Variants in IRAG1 observed in about 807,000 individuals in gnomAD.
The protein encoded by IRAG1 is inositol 1,4,5-triphosphate receptor associated 1.
IRAG1 carries 62 observed loss-of-function variants against 106.2 expected under a neutral mutation model. The observed-to-expected ratio is 0.58, with a 90% CI of 0.48 to 0.72. The LOEUF is 0.72. IRAG1 is among the 30% of genes least tolerant of loss of function. The pLI, the probability that IRAG1 is intolerant of heterozygous loss-of-function variation, is 0.00. For missense variants in IRAG1, 1,064 were observed against 1,140.7 expected, an observed-to-expected ratio of 0.93 and a Z score of 0.97; for synonymous variants, 462 against 443.9, an observed-to-expected ratio of 1.04 and a Z score of -0.51.
chr11:10,680,548 G>GAAGGGA (rs1861172950), intron 1 of IRAG1, among the ~76,000 whole-genome samples: 1 of 142,860 alleles, frequency 7.0e-6, no homozygotes, highest in African/African-American at 2.6e-5. Context: ...AGGGGAAGGG[G>GAAGGGA]AAGGGGAAGG....
At chr11:10,617,079 C>T in intron 10 of IRAG1, 3 of 985,344 alleles carry the variant, frequency 3.0e-6, no homozygotes, top group Middle Eastern at 1.0e-3. Flanking sequence ...TGCCCAAGAC[C>T]TGAGGCTCTG....
chr11:10,620,370 C>T (rs368578719), intron 10 of IRAG1, among the ~76,000 whole-genome samples: 1 of 78 alleles, frequency 0.013, no homozygotes, highest in Non-Finnish European at 0.028. Flanking sequence ...TAAAATACAG[C>T]CCCCCCCAAA....
At chr11:10,596,182 A>C (rs994420947) in intron 15 of IRAG1, among the ~76,000 whole-genome samples, 4 of 152,308 alleles carry the variant, frequency 2.6e-5, no homozygotes, top group African/African-American at 9.6e-5. Flanking sequence ...TTTGAGTTCA[A>C]TTTCAATCTT....
At position 10,688,746 on chromosome 11, in the gene IRAG1, T is replaced by C. The variant is rs12790706; in HGVS notation, c.67+4790A>G. Among the ~76,000 whole-genome samples the C allele has an allele frequency of 6.7e-3, 1,016 of 152,318 alleles. 11 individuals carry two copies. The highest frequency in any genetic ancestry group is 7.3e-3 in the Non-Finnish European group (496 of 68,032). On this transcript the variant is annotated intron_variant, in intron 1 of 20. Coordinates refer to ENST00000423302, the MANE Select transcript of IRAG1 (RefSeq NM_130385.4). ...CCAAGCCGTGGTGGAATGACCTGAC[T>C]CATTTATACACTATGCTCACAATTT...
intron 1 of IRAG1, among the ~76,000 whole-genome samples, chr11:10,653,099 G>A (rs905979936): frequency 6.6e-6 from 1 of 152,112 alleles, no homozygotes; most frequent in Non-Finnish European, 1.5e-5. Flanking sequence ...AGCCTACATC[G>A]ATGAGCTTAA....
chr11:10,610,948 T>A (rs1854908477), intron 10 of IRAG1, among the ~76,000 whole-genome samples: 3 of 152,198 alleles, frequency 2.0e-5, no homozygotes, highest in Admixed American at 1.3e-4. Flanking sequence ...ATCTGCTCAA[T>A]CATTTTCCAG....
At chr11:10,667,687 G>A (rs997562378) in intron 1 of IRAG1, among the ~76,000 whole-genome samples, 12 of 152,116 alleles carry the variant, frequency 7.9e-5, no homozygotes, top group African/African-American at 2.2e-4. Context: ...AGGTGTGGTC[G>A]CAGGCCTCCC....
chr11:10,580,309 C>T, intron 20 of IRAG1, 146 bp downstream of exon 20: 4 of 1,202,846 alleles, frequency 3.3e-6, no homozygotes, highest in Admixed American at 2.4e-5. Context: ...AACATGTGTG[C>T]CCTCTTGGTT....
rs1003069248 is a variant in IRAG1 at position 10,647,235 on chromosome 11, G to C, written c.225+4790C>G. The stretch of plus-strand genomic sequence containing the variant: ...GGACTAAGCATGGGCTTTGGGGTCA[G>C]GCTGCCTGGGCCCAGATCCTGGGCC... On this transcript the variant is annotated intron_variant, in intron 2 of 20. Coordinates refer to ENST00000423302, the MANE Select transcript of IRAG1 (RefSeq NM_130385.4). The surrounding 1 kb of genome is among the most constrained non-coding windows in gnomAD (Gnocchi z 4.3). 1.3e-5 allele frequency among the ~76,000 whole-genome samples: 2 copies of C among 152,212 alleles called. No individual in the cohort carries two copies. The highest frequency in any genetic ancestry group is 1.9e-4 in the East Asian group (1 of 5,170).
rs755615719 is a variant in IRAG1, at chr11:10,625,962, C to A, written c.1368+4G>T. On this transcript the variant is annotated splice_donor_region_variant and intron_variant, in intron 9 of 20. Transcript: ENST00000423302. ...CTCTGCCCAACTGGCCCCCAGGAAC[C>A]CACCTCTCGGAGCTTGGTCAGTTTC... 3 of 1,467,962 alleles carry A rather than the reference C, an allele frequency of 2.0e-6. No homozygotes were observed. The highest frequency in any genetic ancestry group is 2.5e-5 in the Admixed American group (1 of 39,674). 90.9% of individuals were successfully genotyped at this position (1,467,962 alleles called of 1,614,324 possible).
Position 10,574,272 on chromosome 11 carries a change from C to T in IRAG1, c.*2060G>A, listed in dbSNP as rs1378148942. The T allele has an allele frequency of 1.3e-5, 2 of 152,150 alleles. No homozygotes were observed. The highest frequency in any genetic ancestry group is 2.9e-5 in the Non-Finnish European group (2 of 68,036). The allele number at this position is 152,150 out of a possible 1,614,324, so 9.4% of individuals were successfully genotyped here. A position where few individuals can be genotyped will look rare whatever the true frequency, so the allele number is the denominator to read the frequency against. ...TTTTTGCATTGTGATGGTGCTGGTA[C>T]TGAGAAGCATGCAGCATGTCAGCTG... On this transcript the variant is annotated 3_prime_UTR_variant, in exon 21 of 21. Coordinates refer to ENST00000423302, the MANE Select transcript of IRAG1 (RefSeq NM_130385.4).
At chr11:10,644,755 A>G (rs890565039) in intron 2 of IRAG1, among the ~76,000 whole-genome samples, 1 of 152,166 alleles carries the variant, frequency 6.6e-6, no homozygotes, top group African/African-American at 2.4e-5. Context: ...GTTCCTCTTC[A>G]TCTCATTCCT....
chr11:10,626,000 G>A lies in IRAG1; in HGVS notation c.1334C>T (p.Pro445Leu), dbSNP rs1183222150. Residue 445 changes from proline to leucine, a missense_variant, in exon 9 of 21, where the codon CCC (proline) becomes CTC (leucine). Coordinates refer to ENST00000423302, the MANE Select transcript of IRAG1 (RefSeq NM_130385.4). ...GLKDFQIQVQPVRMQKLTKLR... is the reference protein window; with the variant it reads ...GLKDFQIQVQLVRMQKLTKLR... ...CTTGGTCAGTTTCTGCATCCGCACG[G>A]GCTGCACTTGTATCTGAAAGTCTTT... 2 of 1,501,648 alleles carry A rather than the reference G, an allele frequency of 1.3e-6. No individual in the cohort carries two copies. The highest frequency in any genetic ancestry group is 1.8e-6 in the Non-Finnish European group (2 of 1,125,596). The allele number at this position is 1,501,648 out of a possible 1,614,324, so 93.0% of individuals were successfully genotyped here. A position where few individuals can be genotyped will look rare whatever the true frequency, so the allele number is the denominator to read the frequency against.
intron 2 of IRAG1, among the ~76,000 whole-genome samples, chr11:10,634,661 G>C (rs1856998956): frequency 6.6e-6 from 1 of 151,786 alleles, no homozygotes; most frequent in African/African-American, 2.4e-5. Flanking sequence ...TTCTGTGCCT[G>C]GCTTATTTCA....
chr11:10,603,518 G>A (rs767085406), intron 13 of IRAG1, among the ~76,000 whole-genome samples: 8 of 152,108 alleles, frequency 5.3e-5, no homozygotes, highest in African/African-American at 7.2e-5. Context: ...TCTGACAGGC[G>A]GCGGAGCTCA....
chr11:10,615,029 C>G (rs1015988367), intron 10 of IRAG1, among the ~76,000 whole-genome samples: 2 of 152,178 alleles, frequency 1.3e-5, no homozygotes, highest in African/African-American at 4.8e-5. Flanking sequence ...TTTTTGCAAT[C>G]TACTCATCTG....
In IRAG1 at chr11:10,607,618, C is replaced by G. The variant is rs565120273; in HGVS notation, c.1572-846G>C. Reference sequence around the variant, plus strand: ...CCTTTCCTGTGCTGGGGCGGGGAGGCCTGGGAGGGGTCCTACCAGCGTCAC... The same window carrying G: ...CCTTTCCTGTGCTGGGGCGGGGAGGGCTGGGAGGGGTCCTACCAGCGTCAC... On this transcript the variant is annotated intron_variant, in intron 11 of 20. Coordinates refer to ENST00000423302, the MANE Select transcript of IRAG1 (RefSeq NM_130385.4). Among the ~76,000 whole-genome samples, 3 of 151,930 alleles carry G rather than the reference C, an allele frequency of 2.0e-5. No individual in the cohort carries two copies. The East Asian group carries it at 5.8e-4, about 30-fold the overall frequency.
At chr11:10,586,741 C>T (rs987118587) in intron 18 of IRAG1, among the ~76,000 whole-genome samples, 1 of 152,154 alleles carries the variant, frequency 6.6e-6, no homozygotes, top group Admixed American at 6.5e-5. Context: ...TATGCTGCCA[C>T]CGCACCTCTG....
At chr11:10,679,012 C>T (rs535237433) in intron 1 of IRAG1, among the ~76,000 whole-genome samples, 2 of 152,258 alleles carry the variant, frequency 1.3e-5, no homozygotes, top group East Asian at 3.9e-4. Context: ...CAGGAAGAAA[C>T]TATCCCTTGG....
Sources: gnomAD v4.1 joint callset for allele counts (sites outside exome capture counted in the v4.1 genomes callset) on GRCh38, gnomAD v4.1.1 for gene constraint, Gnocchi (gnomAD v3.1) non-coding constraint, MANE v1.5 for transcripts, NCBI Gene and HGNC (gene_info 2026-07-23, HGNC 2026-07-21) for gene names.